The following SLC12A6 variants were observed in gnomAD, a reference collection of about 807,000 sequenced individuals.
The protein encoded by SLC12A6 is K-Cl cotransporter 3.
In SLC12A6, 66 loss-of-function variants were observed where a neutral mutation model predicts 135.3. That is an observed-to-expected ratio of 0.49 (90% CI 0.40 to 0.60). The LOEUF is 0.60. SLC12A6 is among the 20% of genes least tolerant of loss of function. SLC12A6 has a pLI of 0.00. For missense variants in SLC12A6, 1,058 were observed against 1,452.3 expected (o/e 0.73, Z 4.41); for synonymous variants, 513 against 508.8 (o/e 1.01, Z -0.11).
chr15:34,239,163 G>A lies in SLC12A6; in HGVS notation c.2437-3C>T. The A allele has an allele frequency of 6.2e-7, 1 of 1,609,526 alleles. No individual in the cohort carries two copies. The highest frequency in any genetic ancestry group is 8.5e-7 in the Non-Finnish European group (1 of 1,175,858). ...GCCTCCATTAGGTGCTTTATGGTCTGAAAGAGACACAGGACCGCAACACTG... is the reference window on the plus strand; with the variant it reads ...GCCTCCATTAGGTGCTTTATGGTCTAAAAGAGACACAGGACCGCAACACTG... On this transcript the variant is annotated splice_polypyrimidine_tract_variant and splice_region_variant and intron_variant, in intron 19 of 25. Coordinates refer to ENST00000354181, the MANE Select transcript of SLC12A6 (RefSeq NM_001365088.1).
rs1893353040 is a variant in SLC12A6 at position 34,264,358 on chromosome 15, A to G, written c.317-3338T>C. Among the ~76,000 whole-genome samples, 3 of 152,214 alleles carry G rather than the reference A, an allele frequency of 2.0e-5. No homozygotes were observed. The South Asian group carries it at 6.2e-4, about 31-fold the overall frequency. Reference sequence around the variant, plus strand: ...GCTATGATGTATTCTTTCCAAAAGAATGGAAGTTGAATCTAATCAAGCCTC... The same window carrying G: ...GCTATGATGTATTCTTTCCAAAAGAGTGGAAGTTGAATCTAATCAAGCCTC... On this transcript the variant is annotated intron_variant, in intron 3 of 25. Transcript: ENST00000354181.
intron 2 of SLC12A6, among the ~76,000 whole-genome samples, chr15:34,329,606 C>T (rs568516783): frequency 1.8e-4 from 28 of 152,046 alleles, no homozygotes; most frequent in African/African-American, 6.8e-4. Context: ...AAGAGACCAC[C>T]GAAGATCAAA....
chr15:34,329,447 G>C (rs1227889680), intron 2 of SLC12A6, among the ~76,000 whole-genome samples: 1 of 152,080 alleles, frequency 6.6e-6, no homozygotes, highest in African/African-American at 2.4e-5. Flanking sequence ...ACTTTCATAA[G>C]GTTCCCAGGT....
intron 2 of SLC12A6, among the ~76,000 whole-genome samples, chr15:34,299,912 T>A (rs1302139987): frequency 6.6e-6 from 1 of 152,130 alleles, no homozygotes; most frequent in Non-Finnish European, 1.5e-5. Context: ...CCTCTGGTAA[T>A]TACTGTAATG....
At chr15:34,323,470 C>T (rs542564299) in intron 2 of SLC12A6, among the ~76,000 whole-genome samples, 11 of 152,164 alleles carry the variant, frequency 7.2e-5, no homozygotes, top group Admixed American at 5.2e-4. Context: ...GGAGCGCCAA[C>T]CCTATTGTGA....
In SLC12A6 at chr15:34,261,443, G is replaced by A. The variant is rs186143107; in HGVS notation, c.317-423C>T. On this transcript the variant is annotated intron_variant, in intron 3 of 25. Transcript: ENST00000354181. Reference sequence around the variant, plus strand: ...TTGAAGTAGCTGGGAGTACAGGCACGCACCACCATGCCCAGCTAATTTGTT... The same window carrying A: ...TTGAAGTAGCTGGGAGTACAGGCACACACCACCATGCCCAGCTAATTTGTT... Among the ~76,000 whole-genome samples, 275 of 152,094 alleles carry A rather than the reference G, an allele frequency of 1.8e-3. 1 individual carries two copies. Among genetic ancestry groups the A allele is most frequent in the Non-Finnish European group, 2.9e-3 (194 of 67,998 alleles).
At chr15:34,332,461 A>T (rs1250989644) in intron 2 of SLC12A6, among the ~76,000 whole-genome samples, 1 of 152,208 alleles carries the variant, frequency 6.6e-6, no homozygotes, top group South Asian at 2.1e-4. Context: ...CTCAGGGAGT[A>T]TCTGTTGACT....
intron 3 of SLC12A6, among the ~76,000 whole-genome samples, chr15:34,264,125 A>T (rs1340981141): frequency 6.6e-6 from 1 of 152,212 alleles, no homozygotes; most frequent in Admixed American, 6.5e-5. Flanking sequence ...CTAATTAATG[A>T]TAGATGGAAT....
At chr15:34,267,243 A>AT (rs1893590049) in intron 3 of SLC12A6, among the ~76,000 whole-genome samples, 1 of 151,990 alleles carries the variant, frequency 6.6e-6, no homozygotes, top group Non-Finnish European at 1.5e-5. Context: ...TTTTTAAAAA[A>AT]AAAAAAAACT....
chr15:34,305,182 A>G (rs1896517389), intron 2 of SLC12A6, among the ~76,000 whole-genome samples: 1 of 152,084 alleles, frequency 6.6e-6, no homozygotes, highest in South Asian at 2.1e-4. Context: ...GAGCTCAAAA[A>G]TTTTACAAGG....
chr15:34,229,997 G>C lies in SLC12A6; in HGVS notation c.*3884C>G, dbSNP rs1389280191. 7 of 587,402 alleles carry C rather than the reference G, an allele frequency of 1.2e-5. No homozygotes were observed. The East Asian group carries it at 2.0e-4, about 17-fold the overall frequency. 36.4% of individuals were successfully genotyped at this position (587,402 alleles called of 1,614,324 possible). On this transcript the variant is annotated 3_prime_UTR_variant, in exon 26 of 26. Coordinates refer to ENST00000354181, the MANE Select transcript of SLC12A6 (RefSeq NM_001365088.1). ...AGAAACTATACCATAACCCAAGGCT[G>C]AAAATAATGTAGAAAACTTTATTTT...
intron 2 of SLC12A6, among the ~76,000 whole-genome samples, chr15:34,321,652 A>G (rs1383502069): frequency 1.3e-5 from 2 of 152,224 alleles, no homozygotes; most frequent in African/African-American, 4.8e-5. Context: ...TTCCCACAAA[A>G]GGACTTGCAC....
At chr15:34,235,079 G>C in intron 25 of SLC12A6, 102 bp downstream of exon 25, 1 of 1,096,122 alleles carries the variant, frequency 9.1e-7, no homozygotes, top group Non-Finnish European at 1.4e-6. Flanking sequence ...CCTTAAAGAG[G>C]GAAAGTGGGG....
chr15:34,238,184 G>T, intron 21 of SLC12A6, 48 bp downstream of exon 21: 1 of 1,339,562 alleles, frequency 7.5e-7, no homozygotes, highest in Non-Finnish European at 1.1e-6. Flanking sequence ...CTGTGAACCA[G>T]GACAGAAGGG....
intron 3 of SLC12A6, among the ~76,000 whole-genome samples, chr15:34,262,545 C>T (rs565508302): frequency 6.6e-6 from 1 of 152,172 alleles, no homozygotes; most frequent in Admixed American, 6.5e-5. Context: ...AGGGCAGCTA[C>T]CCCACGCGAC....
At chr15:34,281,837 TAA>T (rs1230179110) in intron 2 of SLC12A6, among the ~76,000 whole-genome samples, 2 of 152,094 alleles carry the variant, frequency 1.3e-5, no homozygotes, top group Non-Finnish European at 2.9e-5. Flanking sequence ...TTAGGCAAAG[TAA>T]TTAAGCAATA....
intron 13 of SLC12A6, among the ~76,000 whole-genome samples, chr15:34,246,359 G>T (rs4238572): frequency 0.11 from 16,796 of 152,168 alleles, 1,019 homozygotes; most frequent in East Asian, 0.28. Context: ...TACATATGGG[G>T]CTAGAAAATA....
chr15:34,324,603 A>C (rs183860583), intron 2 of SLC12A6, among the ~76,000 whole-genome samples: 4 of 148,580 alleles, frequency 2.7e-5, no homozygotes, highest in African/African-American at 1.0e-4. Context: ...TGTTTTATTA[A>C]ACCCATTTAT....
At chr15:34,235,431 A>AT (rs371322623) in intron 24 of SLC12A6, 117 bp from the exon 25 acceptor site, 28,048 of 500,332 alleles carry the variant, frequency 0.056, 169 homozygotes, top group Non-Finnish European at 0.067. Context: ...TGATAAAATG[A>AT]TTTTTTTTTT....
Sources: gnomAD v4.1 joint callset for allele counts (sites outside exome capture counted in the v4.1 genomes callset) on GRCh38, gnomAD v4.1.1 for gene constraint, MANE v1.5 for transcripts, NCBI Gene and HGNC (gene_info 2026-07-23, HGNC 2026-07-21) for gene names.